SNED1: variants seen among roughly 807,000 people sequenced by gnomAD.
The protein encoded by SNED1 is sushi, nidogen and EGF like domains 1.
A neutral mutation model predicts 166.7 loss-of-function variants in SNED1; 81 were observed. That is an observed-to-expected ratio of 0.49 (90% CI 0.41 to 0.58). The LOEUF (loss-of-function observed/expected upper bound fraction) is 0.58, where lower values mean the gene tolerates loss of function less well. Ranked by LOEUF, SNED1 falls within the 20% of genes least tolerant of loss-of-function variation. The probability of loss-of-function intolerance (pLI) is 0.00; values close to 1 mark genes in which losing one functional copy is unlikely to be tolerated. For synonymous variants in SNED1, 762 were observed against 822.0 expected (o/e 0.93, Z 1.25); for missense variants, 1,604 against 2,000.2 (o/e 0.80, Z 3.78).
chr2:241,079,658 AAAAAG>A (rs1216555681), intron 27 of SNED1, among the ~76,000 whole-genome samples: 3 of 152,154 alleles, frequency 2.0e-5, no homozygotes, highest in Non-Finnish European at 4.4e-5. Context: ...TAAAAACAAT[AAAAAG>A]AAAAGGCAAC....
intron 1 of SNED1, among the ~76,000 whole-genome samples, chr2:241,020,934 C>G (rs1175488979): frequency 1.3e-5 from 2 of 152,198 alleles, no homozygotes; most frequent in African/African-American, 4.8e-5. Flanking sequence ...CGGGAACATG[C>G]AGGCAGGAAA....
intron 1 of SNED1, among the ~76,000 whole-genome samples, chr2:241,000,770 G>A (rs971964368): frequency 2.6e-5 from 4 of 152,208 alleles, no homozygotes; most frequent in African/African-American, 7.2e-5. Flanking sequence ...TATCTCCATC[G>A]GAGCTTTTTC....
At chr2:241,080,913 C>T (rs2063297012) in intron 27 of SNED1, among the ~76,000 whole-genome samples, 1 of 152,242 alleles carries the variant, frequency 6.6e-6, no homozygotes, top group African/African-American at 2.4e-5. Flanking sequence ...CACTCTCCAG[C>T]TGGTGAGGGC....
rs193106329 is a variant in SNED1, at chr2:241,038,840, C to T, written c.1046-1235C>T. Among the ~76,000 whole-genome samples the T allele has an allele frequency of 1.2e-3, 184 of 152,270 alleles. 1 individual carries two copies. Among genetic ancestry groups the T allele is most frequent in the African/African-American group, 4.3e-3 (180 of 41,544 alleles). Reference sequence around the variant, plus strand: ...GGCCAGGGGCCTGGCTGCGGGAGGACCCAGGCCTATGATGAGGGTCCCCAA... The same window carrying T: ...GGCCAGGGGCCTGGCTGCGGGAGGATCCAGGCCTATGATGAGGGTCCCCAA... On this transcript the variant is annotated intron_variant, in intron 6 of 31. Coordinates refer to ENST00000310397, the MANE Select transcript of SNED1 (RefSeq NM_001080437.3).
At chr2:241,035,974 AGGGGTGGGGG>A (rs2061345812) in intron 4 of SNED1, among the ~76,000 whole-genome samples, 1 of 38,754 alleles carries the variant, frequency 2.6e-5, no homozygotes, top group Non-Finnish European at 4.4e-5. Flanking sequence ...GGGGCGTAGT[AGGGGTGGGGG>A]GCGGAGGCGC....
At chr2:241,058,109 T>C (rs1325567139) in intron 16 of SNED1, among the ~76,000 whole-genome samples, 1 of 151,852 alleles carries the variant, frequency 6.6e-6, no homozygotes, top group Non-Finnish European at 1.5e-5. Context: ...AGGAAAAAAA[T>C]AGGTGTATAC....
chr2:241,067,397 A>C (rs2062501578), intron 21 of SNED1, among the ~76,000 whole-genome samples: 1 of 152,192 alleles, frequency 6.6e-6, no homozygotes, highest in South Asian at 2.1e-4. Context: ...CTTAGACCAA[A>C]ATAGTCAACT....
In SNED1 at chr2:241,081,081, C is replaced by G. The variant is rs559733474; in HGVS notation, c.3917-596C>G. On this transcript the variant is annotated intron_variant, in intron 27 of 31. Coordinates refer to ENST00000310397, the MANE Select transcript of SNED1 (RefSeq NM_001080437.3). Reference sequence around the variant, plus strand: ...ACCAGTGACCAGTCCTCGTGTCACTCGAGTGGGACTTGGACACATCACAGG... The same window carrying G: ...ACCAGTGACCAGTCCTCGTGTCACTGGAGTGGGACTTGGACACATCACAGG... 2.0e-5 allele frequency among the ~76,000 whole-genome samples: 3 copies of G among 152,332 alleles called. No individual in the cohort carries two copies. The South Asian group carries it at 6.2e-4, about 32-fold the overall frequency.
At chr2:241,076,814 G>A (rs1029638771) in intron 27 of SNED1, among the ~76,000 whole-genome samples, 20 of 152,226 alleles carry the variant, frequency 1.3e-4, no homozygotes, top group Admixed American at 5.2e-4. Flanking sequence ...GTCCAGGGCC[G>A]GGCGCAGTGG....
intron 1 of SNED1, among the ~76,000 whole-genome samples, chr2:241,028,613 T>A (rs2124968261): frequency 6.6e-6 from 1 of 152,350 alleles, no homozygotes; most frequent in Middle Eastern, 3.4e-3. Context: ...GAAGGCTTAT[T>A]TCTGGGTTCT....
At chr2:241,032,856 CT>C (rs2061231400) in intron 2 of SNED1, among the ~76,000 whole-genome samples, 3 of 152,008 alleles carry the variant, frequency 2.0e-5, no homozygotes, top group Admixed American at 2.0e-4. Flanking sequence ...TACTTTTGGT[CT>C]TTTTCTTATT....
chr2:241,005,185 T>C (rs1267282544), intron 1 of SNED1, among the ~76,000 whole-genome samples: 1 of 151,294 alleles, frequency 6.6e-6, no homozygotes, highest in Admixed American at 6.6e-5. Flanking sequence ...TTTAGTTTAG[T>C]TTAGTTTCTG....
intron 8 of SNED1, among the ~76,000 whole-genome samples, chr2:241,041,836 G>C (rs529340461): frequency 2.6e-5 from 4 of 152,322 alleles, no homozygotes; most frequent in Admixed American, 2.6e-4. Flanking sequence ...CTACAAAAAA[G>C]AGTCTCTAGT....
In SNED1 at chr2:241,069,892, C is replaced by A; in HGVS notation, c.3308-28C>A. Reference sequence around the variant, plus strand: ...CCAGAAGACCCTGTGGGCACCCCCTCACCTCTCCCTGCTCCTGCCTCATCC... The same window carrying A: ...CCAGAAGACCCTGTGGGCACCCCCTAACCTCTCCCTGCTCCTGCCTCATCC... On this transcript the variant is annotated intron_variant, in intron 23 of 31. Transcript: ENST00000310397. This position sits in a 1 kb window ranked among gnomAD's most constrained non-coding sequence, Gnocchi z 4.9. 6.2e-7 allele frequency: 1 copy of A among 1,603,020 alleles called. No homozygotes were observed. The highest frequency in any genetic ancestry group is 8.5e-7 in the Non-Finnish European group (1 of 1,174,034).
In SNED1 at chr2:241,070,141, G is replaced by A. The variant is rs772072839; in HGVS notation, c.3529G>A (p.Val1177Met). The A allele has an allele frequency of 1.2e-6, 2 of 1,611,458 alleles. No homozygotes were observed. Among genetic ancestry groups the A allele is most frequent in the African/African-American group, 2.7e-5 (2 of 74,952 alleles). ...GCGGTACCAGCTCTCTGTGATAGCA[G>A]TGCAGAGCACGGAGCTCGGGCCGCA... ...GRRYQLSVIA[V>M]QSTELGPQHS... Residue 1177 changes from valine (V) to methionine (M), a missense_variant, in exon 24 of 32, where the codon GTG becomes ATG. This residue lies in a region of SNED1 where 367 missense variants were observed against 379.4 expected (regional missense o/e 0.97). Transcript: ENST00000310397.
intron 8 of SNED1, 44 bp from the exon 9 acceptor site, chr2:241,048,271 C>T (rs2061719291): frequency 1.3e-6 from 2 of 1,550,262 alleles, no homozygotes; most frequent in African/African-American, 1.4e-5. Context: ...CCACTCTCCC[C>T]ACATTCCCTG....
At position 241,092,935 on chromosome 2, in the gene SNED1, C is replaced by T. The variant is rs890354953; in HGVS notation, c.*1299C>T. The T allele has an allele frequency of 6.6e-6, 1 of 152,282 alleles. No individual in the cohort carries two copies. The highest frequency in any genetic ancestry group is 2.1e-4 in the South Asian group (1 of 4,838). The allele number at this position is 152,282 out of a possible 1,614,324, so 9.4% of individuals were successfully genotyped here. On this transcript the variant is annotated 3_prime_UTR_variant, in exon 32 of 32. Transcript: ENST00000310397. The surrounding 1 kb of genome is among the most constrained non-coding windows in gnomAD (Gnocchi z 4.6). The stretch of plus-strand genomic sequence containing the variant: ...CAGCTGGAAAGCCAGCGCCCTGCCG[C>T]GTCACCCTGACTCTGCTCAGAGCCA...
Position 241,064,009 on chromosome 2 carries a change from C to T in SNED1, c.2486-3C>T. 1 of 1,550,808 alleles carries T rather than the reference C, an allele frequency of 6.4e-7. No homozygotes were observed. The highest frequency in any genetic ancestry group is 1.2e-5 in the South Asian group (1 of 84,118). ...TTGGGCCCACTCTCTGGGTGTTCTC[C>T]AGAGGTGGACGCCTGCGACTCCAGC... is the stretch of plus-strand genomic sequence containing the variant. On this transcript the variant is annotated splice_polypyrimidine_tract_variant and splice_region_variant and intron_variant, in intron 18 of 31. Transcript: ENST00000310397. The surrounding 1 kb of genome is among the most constrained non-coding windows in gnomAD (Gnocchi z 7.0).
chr2:241,073,964 C>T lies in SNED1; in HGVS notation c.3916+600C>T, dbSNP rs1418120741. On this transcript the variant is annotated intron_variant, in intron 27 of 31. Transcript: ENST00000310397. The surrounding 1 kb of genome is among the most constrained non-coding windows in gnomAD (Gnocchi z 6.6). Reference sequence around the variant, plus strand: ...CACGAGGCAGTTCCCCTTCGGGCAGCACCAATACATGTGTGTTCCTCACCC... The same window carrying T: ...CACGAGGCAGTTCCCCTTCGGGCAGTACCAATACATGTGTGTTCCTCACCC... The T allele has an allele frequency of 6.4e-6, 1 of 155,958 alleles. No homozygotes were observed. Among genetic ancestry groups the T allele is most frequent in the East Asian group, 1.9e-4 (1 of 5,324 alleles). 9.7% of individuals were successfully genotyped at this position (155,958 alleles called of 1,614,324 possible). A position where few individuals can be genotyped will look rare whatever the true frequency, so the allele number is the denominator to read the frequency against.
Sources: gnomAD v4.1 joint callset for allele counts (sites outside exome capture counted in the v4.1 genomes callset) on GRCh38, gnomAD v4.1.1 for gene constraint, gnomAD v4.1.1 regional missense constraint, Gnocchi (gnomAD v3.1) non-coding constraint, MANE v1.5 for transcripts, NCBI Gene and HGNC (gene_info 2026-07-23, HGNC 2026-07-21) for gene names.